Variants in ABHD17C observed in about 807,000 individuals in gnomAD.
ABHD17C encodes abhydrolase domain containing 17C, depalmitoylase.
In ABHD17C, 11 loss-of-function variants were observed where a neutral mutation model predicts 27.9. That is an observed-to-expected ratio of 0.39 (90% CI 0.25 to 0.65). ABHD17C has a LOEUF of 0.65. Ranked by LOEUF, ABHD17C falls within the 30% of genes least tolerant of loss-of-function variation. The probability of loss-of-function intolerance (pLI) is 0.45; values close to 1 mark genes in which losing one functional copy is unlikely to be tolerated. For missense variants in ABHD17C, 280 were observed against 470.2 expected, an observed-to-expected ratio of 0.60 and a Z score of 3.74; for synonymous variants, 233 against 209.1, an observed-to-expected ratio of 1.11 and a Z score of -0.98.
chr15:80,732,272 G>A (rs954237980), intron 1 of ABHD17C, among the ~76,000 whole-genome samples: 1 of 152,186 alleles, frequency 6.6e-6, no homozygotes, highest in Non-Finnish European at 1.5e-5. Context: ...GCCTGATGCA[G>A]AAGCTGTGCA....
chr15:80,699,237 C>G (rs1247020364), intron 1 of ABHD17C, among the ~76,000 whole-genome samples: 1 of 152,184 alleles, frequency 6.6e-6, no homozygotes, highest in Non-Finnish European at 1.5e-5. Flanking sequence ...CTTCTCTATT[C>G]CTGACAGTTG....
intron 1 of ABHD17C, among the ~76,000 whole-genome samples, chr15:80,724,439 T>G (rs1231924488): frequency 6.6e-6 from 1 of 152,194 alleles, no homozygotes; most frequent in Non-Finnish European, 1.5e-5. Context: ...GTGTAATAAT[T>G]TATTAATGAC....
At chr15:80,743,130 T>C (rs1596072920) in intron 1 of ABHD17C, among the ~76,000 whole-genome samples, 2 of 152,004 alleles carry the variant, frequency 1.3e-5, no homozygotes, top group Admixed American at 6.6e-5. Context: ...AGAATAAAGA[T>C]TGAAATTTTA....
chr15:80,745,779 T>C (rs1319046106), intron 1 of ABHD17C, among the ~76,000 whole-genome samples: 1 of 152,184 alleles, frequency 6.6e-6, no homozygotes, highest in Non-Finnish European at 1.5e-5. Context: ...CCCAAAACTA[T>C]TGAAATAAAA....
intron 1 of ABHD17C, among the ~76,000 whole-genome samples, chr15:80,746,009 A>C (rs1895278131): frequency 6.6e-6 from 1 of 152,188 alleles, no homozygotes; most frequent in Admixed American, 6.5e-5. Flanking sequence ...ATGTCACTTA[A>C]TATTGCCAAA....
intron 1 of ABHD17C, among the ~76,000 whole-genome samples, chr15:80,726,470 C>T (rs1477283204): frequency 6.7e-6 from 1 of 148,366 alleles, no homozygotes; most frequent in East Asian, 2.0e-4. Context: ...AGGATTTTCC[C>T]TTCTCCCTTG....
intron 1 of ABHD17C, among the ~76,000 whole-genome samples, chr15:80,708,327 G>GT (rs869251630): frequency 6.9e-6 from 1 of 145,284 alleles, no homozygotes; most frequent in East Asian, 2.1e-4. Flanking sequence ...TGTTTTGTTT[G>GT]TTTTTCCAGA....
At chr15:80,732,641 G>A (rs1282856031) in intron 1 of ABHD17C, among the ~76,000 whole-genome samples, 1 of 152,170 alleles carries the variant, frequency 6.6e-6, no homozygotes, top group African/African-American at 2.4e-5. Context: ...CAGAAGGTAA[G>A]ACGGGCACAA....
At chr15:80,710,689 G>A (rs1320188091) in intron 1 of ABHD17C, among the ~76,000 whole-genome samples, 2 of 152,130 alleles carry the variant, frequency 1.3e-5, no homozygotes, top group Non-Finnish European at 2.9e-5. Context: ...TGAGAAACAG[G>A]AAAACTAGAA....
rs566876662 is a variant in ABHD17C, at chr15:80,751,291, C to T, written c.770+1599C>T. Reference sequence around the variant, plus strand: ...ATAAGAATTGCTTGAACCCAGGAGGCGGAGGTTGCAGTGAGCCGAGATCGC... The same window carrying T: ...ATAAGAATTGCTTGAACCCAGGAGGTGGAGGTTGCAGTGAGCCGAGATCGC... On this transcript the variant is annotated intron_variant, in intron 2 of 2. Coordinates refer to ENST00000258884, the MANE Select transcript of ABHD17C (RefSeq NM_021214.2). Among the ~76,000 whole-genome samples, 12 of 151,776 alleles carry T rather than the reference C, an allele frequency of 7.9e-5. No homozygotes were observed. The South Asian group carries it at 1.9e-3, about 24-fold the overall frequency.
At chr15:80,710,373 C>T (rs1894712703) in intron 1 of ABHD17C, among the ~76,000 whole-genome samples, 1 of 152,136 alleles carries the variant, frequency 6.6e-6, no homozygotes, top group South Asian at 2.1e-4. Flanking sequence ...TTGGCTTTGA[C>T]AGCAGGAAAT....
intron 1 of ABHD17C, among the ~76,000 whole-genome samples, chr15:80,722,935 T>G (rs1397563348): frequency 2.6e-5 from 4 of 152,226 alleles, no homozygotes; most frequent in African/African-American, 7.2e-5. Flanking sequence ...AGCTTTCGCA[T>G]CTACAGATTC....
At chr15:80,725,077 C>T (rs1373871742) in intron 1 of ABHD17C, among the ~76,000 whole-genome samples, 5 of 152,212 alleles carry the variant, frequency 3.3e-5, no homozygotes, top group African/African-American at 7.2e-5. Context: ...GGCACGAAGA[C>T]ACCAGGGCAG....
intron 1 of ABHD17C, among the ~76,000 whole-genome samples, chr15:80,701,335 G>A (rs1442263114): frequency 1.3e-5 from 2 of 152,130 alleles, no homozygotes; most frequent in African/African-American, 2.4e-5. Context: ...ATGCCACTAA[G>A]GGAAGAAAGC....
intron 1 of ABHD17C, among the ~76,000 whole-genome samples, chr15:80,713,176 A>G (rs1291390613): frequency 2.6e-5 from 4 of 151,510 alleles, no homozygotes; most frequent in Admixed American, 2.6e-4. Context: ...TGCCACCCAC[A>G]TCAGCTCTCA....
chr15:80,726,502 T>G (rs1456291356), intron 1 of ABHD17C, among the ~76,000 whole-genome samples: 1 of 3,418 alleles, frequency 2.9e-4, no homozygotes, highest in South Asian at 0.01. Context: ...CTTTTTCTGG[T>G]TTTTTTTTTT....
At chr15:80,706,983 A>C (rs978614921) in intron 1 of ABHD17C, among the ~76,000 whole-genome samples, 1 of 152,234 alleles carries the variant, frequency 6.6e-6, no homozygotes, top group African/African-American at 2.4e-5. Context: ...CATGTTTTAT[A>C]GTATACAAGA....
At chr15:80,747,385 G>T (rs534952896) in intron 1 of ABHD17C, among the ~76,000 whole-genome samples, 1 of 152,106 alleles carries the variant, frequency 6.6e-6, no homozygotes, top group Non-Finnish European at 1.5e-5. Context: ...CTGCTGAAAC[G>T]GCCCTCCCAG....
intron 1 of ABHD17C, among the ~76,000 whole-genome samples, chr15:80,727,350 T>C (rs772800809): frequency 1.3e-5 from 2 of 152,160 alleles, no homozygotes; most frequent in Non-Finnish European, 2.9e-5. Flanking sequence ...AAATTCAAAC[T>C]ATCTGGTTGT....
Sources: allele counts gnomAD v4.1 joint callset (sites outside exome capture counted in the v4.1 genomes callset), GRCh38; gene constraint gnomAD v4.1.1; transcripts MANE v1.5; gene names NCBI Gene and HGNC (gene_info 2026-07-23, HGNC 2026-07-21).